CMTM5: variants seen among roughly 807,000 people sequenced by gnomAD.
CMTM5 encodes the protein CKLF-like MARVEL transmembrane domain-containing protein 5.
CMTM5 carries 25 observed loss-of-function variants against 26.9 expected under a neutral mutation model. The observed-to-expected ratio is 0.93, with a 90% CI of 0.68 to 1.30. The LOEUF is 1.30. Ranked by LOEUF, CMTM5 falls within the 50% of genes most tolerant of loss-of-function variation. CMTM5 has a pLI of 0.00. For synonymous variants in CMTM5, 98 were observed against 115.5 expected (o/e 0.85, Z 0.97); for missense variants, 292 against 289.6 (o/e 1.01, Z -0.06).
rs756669308 is a variant in CMTM5 at position 23,377,297 on chromosome 14, G to A, written c.46G>A (p.Val16Ile). The change falls in exon 1 of 6, where the codon GTA becomes ATA. Residue 16 changes from valine to isoleucine, a missense_variant. Val to Ile is a conservative substitution (Grantham distance 29, BLOSUM62 3). Transcript: ENST00000339180. This position sits in a 1 kb window ranked among gnomAD's most constrained non-coding sequence, Gnocchi z 4.6. ...CCGGGACCGGCACCCTGAGGAGGGG[G>A]TAGTTGCAGAGCTCCAGGGCTTCGC... ...DRRDRHPEEG[V>I]VAELQGFAVD... 10 of 1,612,388 alleles carry A rather than the reference G, an allele frequency of 6.2e-6. No individual in the cohort carries two copies. The South Asian group carries it at 7.7e-5, about 12-fold the overall frequency.
Position 23,377,680 on chromosome 14 carries a change from A to C in CMTM5, c.126+303A>C. On this transcript the variant is annotated intron_variant, in intron 1 of 5. Transcript: ENST00000339180. The surrounding 1 kb of genome is among the most constrained non-coding windows in gnomAD (Gnocchi z 4.6). The stretch of plus-strand genomic sequence containing the variant: ...GACAGGGGCAATGACAGCCTCTAAC[A>C]TGGCCACTTCTCAGCACGTCCAAGA... The C allele has an allele frequency of 2.2e-5, 7 of 311,726 alleles. No individual in the cohort carries two copies. Among genetic ancestry groups the C allele is most frequent in the Non-Finnish European group, 2.9e-5 (5 of 169,778 alleles). The allele number at this position is 311,726 out of a possible 1,614,324, so 19.3% of individuals were successfully genotyped here.
At position 23,379,280 on chromosome 14, in the gene CMTM5, C is replaced by CCCACTA. The variant is rs1257392221; in HGVS notation, c.574-14_574-13insACCACT. ...GCCCTATAGCCTCTGTTTTGCCATC[C>CCCACTA]CCACTCCCACTCCCACAGGTTTTTG... is the stretch of plus-strand genomic sequence containing the variant. On this transcript the variant is annotated intron_variant, in intron 4 of 5. Transcript: ENST00000339180. 9 of 1,613,722 alleles carry CCCACTA rather than the reference C, an allele frequency of 5.6e-6. No individual in the cohort carries two copies. Among genetic ancestry groups the CCCACTA allele is most frequent in the Non-Finnish European group, 7.6e-6 (9 of 1,179,910 alleles).
Sources: gnomAD v4.1 joint callset for allele counts on GRCh38, gnomAD v4.1.1 for gene constraint, Gnocchi (gnomAD v3.1) non-coding constraint, MANE v1.5 for transcripts, NCBI Gene and HGNC (gene_info 2026-07-23, HGNC 2026-07-21) for gene names.